Variants in SRPX observed in about 807,000 individuals in gnomAD.
The protein encoded by SRPX is sushi repeat-containing protein SRPX.
Under a neutral mutation model 38.1 loss-of-function variants are expected in SRPX, and 24 were observed. The observed-to-expected ratio is 0.63, with a 90% CI of 0.46 to 0.89. The LOEUF (loss-of-function observed/expected upper bound fraction) is 0.89, where lower values mean the gene tolerates loss of function less well. Among genes scored for constraint, SRPX ranks in the 40% least tolerant of loss-of-function variants. The pLI is 0.00. For missense variants in SRPX, 416 were observed against 377.8 expected, an observed-to-expected ratio of 1.10 and a Z score of -0.84; for synonymous variants, 184 against 153.8, an observed-to-expected ratio of 1.20 and a Z score of -1.45.
chrX:38,157,481 C>G (rs1360680725), intron 7 of SRPX, among the ~76,000 whole-genome samples: 1 of 111,353 alleles, frequency 9.0e-6, no homozygotes, highest in Non-Finnish European at 1.9e-5. Context: ...TCAAATCTCT[C>G]TTCTCTCTGA....
At chrX:38,178,952 T>A in intron 1 of SRPX, among the ~76,000 whole-genome samples, 1 of 101,288 alleles carries the variant, frequency 9.9e-6, no homozygotes, top group Admixed American at 1.0e-4. Flanking sequence ...ATTTCTTTTT[T>A]TTTTTTTTTT....
chrX:38,201,312 A>C (rs1164038805), intron 1 of SRPX, among the ~76,000 whole-genome samples: 3 of 111,468 alleles, frequency 2.7e-5, no homozygotes, highest in South Asian at 3.8e-4. Context: ...GAAAAGAAGA[A>C]ACAAAGGGAG....
chrX:38,181,063 T>C (rs984676154), intron 1 of SRPX, among the ~76,000 whole-genome samples: 2 of 112,399 alleles, frequency 1.8e-5, no homozygotes, highest in African/African-American at 3.2e-5. Context: ...AATACAAAGA[T>C]ATGTACGGTA....
Position 38,172,075 on chromosome X carries a change from A to C in SRPX, c.350-18T>G. 1 of 1,201,413 alleles carries C rather than the reference A, an allele frequency of 8.3e-7. No homozygotes were observed. On this transcript the variant is annotated intron_variant, in intron 3 of 9. Transcript: ENST00000378533. ...TCGCTTTTCTGAAAATGAGAAAATCAGATATTCAGCATTTCTTAGTTTTTG... is the reference window on the plus strand; with the variant it reads ...TCGCTTTTCTGAAAATGAGAAAATCCGATATTCAGCATTTCTTAGTTTTTG...
At chrX:38,159,107 C>T (rs1202007134) in intron 7 of SRPX, among the ~76,000 whole-genome samples, 3 of 111,993 alleles carry the variant, frequency 2.7e-5, no homozygotes, top group African/African-American at 9.7e-5. Flanking sequence ...AATTAAGATA[C>T]TTTATATTCT....
At position 38,160,964 on chromosome X, in the gene SRPX, C is replaced by T. The variant is rs1193591963; in HGVS notation, c.744G>A (p.Lys248=). 3.3e-6 allele frequency: 4 copies of T among 1,209,637 alleles called. No individual in the cohort carries two copies. Among genetic ancestry groups the T allele is most frequent in the African/African-American group, 1.7e-5 (1 of 57,685 alleles). The change falls in exon 6 of 10, where the codon AAG becomes AAA. Residue 248 remains lysine (K), a synonymous_variant. Transcript: ENST00000378533. ...QYTVYDRAEN[K]GTCKFRVKVR... ...CTTTAACTCGAAATTTGCAAGTGCC[C>T]TTATTCTCAGCTCTGTCATAGACTG...
At chrX:38,170,259 G>T (rs1245711736) in intron 4 of SRPX, among the ~76,000 whole-genome samples, 1 of 111,966 alleles carries the variant, frequency 8.9e-6, no homozygotes, top group African/African-American at 3.2e-5. Context: ...GTTGAAGGTT[G>T]TGTGGAAATC....
Position 38,178,732 on chromosome X carries a change from C to G in SRPX, c.98-388G>C, listed in dbSNP as rs774223792. Among the ~76,000 whole-genome samples the G allele has an allele frequency of 3.6e-5, 4 of 111,233 alleles. No individual in the cohort carries two copies. The East Asian group carries it at 1.1e-3, about 31-fold the overall frequency. On this transcript the variant is annotated intron_variant, in intron 1 of 9. Transcript: ENST00000378533. ...CAGTTTCCCCAGCAGTCAAAGAAAACCCAGTAGAACTGGGTGTTTATGGTA... is the reference window on the plus strand; with the variant it reads ...CAGTTTCCCCAGCAGTCAAAGAAAAGCCAGTAGAACTGGGTGTTTATGGTA...
At chrX:38,150,779 G>A (rs1218548392) in intron 9 of SRPX, among the ~76,000 whole-genome samples, 1 of 112,042 alleles carries the variant, frequency 8.9e-6, no homozygotes, top group Non-Finnish European at 1.9e-5. Flanking sequence ...ATATGAAGTG[G>A]TTTCAAGTGT....
chrX:38,190,523 T>C (rs1342764088), intron 1 of SRPX, among the ~76,000 whole-genome samples: 1 of 111,958 alleles, frequency 8.9e-6, no homozygotes, highest in African/African-American at 3.2e-5. Flanking sequence ...ATTTCTTTTC[T>C]GGGTAGCTTC....
chrX:38,161,773 C>T (rs1221014026), intron 5 of SRPX, among the ~76,000 whole-genome samples: 1 of 111,687 alleles, frequency 9.0e-6, no homozygotes, highest in African/African-American at 3.3e-5. Flanking sequence ...AAAGAACTTG[C>T]CCAAGGTCAC....
Position 38,160,197 on chromosome X carries a change from CTG to C in SRPX, c.776-3_776-2del. 1.7e-6 allele frequency: 2 copies of C among 1,210,721 alleles called. No individual in the cohort carries two copies. Among genetic ancestry groups the C allele is most frequent in the South Asian group, 1.8e-5 (1 of 56,656 alleles). ...GCATTGAGTTTGCCACAGCGTTTGA[CTG>C]TAGGGACACAAGTCCAGAGGGGTCT... is the stretch of plus-strand genomic sequence containing the variant. On this transcript the variant is annotated splice_acceptor_variant and splice_polypyrimidine_tract_variant and intron_variant, in intron 6 of 9. Transcript: ENST00000378533. LOFTEE classifies it high-confidence loss of function.
At chrX:38,195,546 T>C (rs1313821542) in intron 1 of SRPX, among the ~76,000 whole-genome samples, 1 of 111,534 alleles carries the variant, frequency 9.0e-6, no homozygotes, top group Non-Finnish European at 1.9e-5. Context: ...AACATGTTTA[T>C]CCAAGAAGTT....
In SRPX at chrX:38,160,190, C is replaced by T. The variant is rs767078992; in HGVS notation, c.782G>A (p.Arg261His). 24 of 1,209,568 alleles carry T rather than the reference C, an allele frequency of 2.0e-5. No homozygotes were observed. The highest frequency in any genetic ancestry group is 2.3e-4 in the Middle Eastern group (1 of 4,360). ...CKFRVKVRVK[R>H]CGKLNAPENG... ...CTCTGGGGCATTGAGTTTGCCACAG[C>T]GTTTGACTGTAGGGACACAAGTCCA... Residue 261 changes from arginine to histidine, a missense_variant, in exon 7 of 10, where the codon CGC (arginine) becomes CAC (histidine). By Grantham distance (29) the Arg-to-His change is conservative (BLOSUM62 0). Coordinates refer to ENST00000378533, the MANE Select transcript of SRPX (RefSeq NM_006307.5).
At chrX:38,158,433 T>G (rs1938173879) in intron 7 of SRPX, among the ~76,000 whole-genome samples, 1 of 111,907 alleles carries the variant, frequency 8.9e-6, no homozygotes, top group Non-Finnish European at 1.9e-5. Context: ...TTTTCATATT[T>G]CACATTTTAG....
intron 1 of SRPX, among the ~76,000 whole-genome samples, chrX:38,218,722 C>A (rs192975375): frequency 6.3e-4 from 70 of 111,987 alleles, no homozygotes; most frequent in South Asian, 7.5e-4. Context: ...TGTCACCCAG[C>A]ACTTAGAGTG....
intron 4 of SRPX, 54 bp from the exon 5 acceptor site, chrX:38,164,949 TG>T: frequency 1.8e-6 from 2 of 1,133,715 alleles, no homozygotes; most frequent in South Asian, 1.9e-5. Flanking sequence ...CTAGTCAAAC[TG>T]GGGTTCAACA....
Position 38,154,559 on chromosome X carries a change from GA to G in SRPX, c.1113del (p.Arg372AspfsTer19). On this transcript the variant is annotated frameshift_variant, in exon 9 of 10. Transcript: ENST00000378533. LOFTEE classifies it high-confidence loss of function. ...ACCAGCTCCACCACGGTGATGTGTC[GA>G]AGATCAAGGCCACACTGTGCTTGCT... ...MLQQAQCGLD[L>X]RHITVVELVG... 1.7e-6 allele frequency: 2 copies of G among 1,208,602 alleles called. No individual in the cohort carries two copies. Among genetic ancestry groups the G allele is most frequent in the Non-Finnish European group, 2.2e-6 (2 of 894,084 alleles).
intron 3 of SRPX, among the ~76,000 whole-genome samples, chrX:38,173,926 G>C (rs751240313): frequency 8.9e-6 from 1 of 112,045 alleles, no homozygotes; most frequent in Non-Finnish European, 1.9e-5. Context: ...CTGAACAAAT[G>C]TAACTCATTT....
Sources: gnomAD v4.1 joint callset for allele counts (sites outside exome capture counted in the v4.1 genomes callset) on GRCh38, gnomAD v4.1.1 for gene constraint, MANE v1.5 for transcripts, NCBI Gene and HGNC (gene_info 2026-07-23, HGNC 2026-07-21) for gene names.